The following HEATR4 variants were observed in gnomAD, a reference collection of about 807,000 sequenced individuals.
HEATR4 encodes HEAT repeat containing 4.
Under a neutral mutation model 108.8 loss-of-function variants are expected in HEATR4, and 95 were observed. That is an observed-to-expected ratio of 0.87 (90% CI 0.74 to 1.04). The LOEUF is 1.04. HEATR4 is among the 50% of genes least tolerant of loss of function. HEATR4 has a pLI of 0.00. For synonymous variants in HEATR4, 443 were observed against 459.4 expected, an observed-to-expected ratio of 0.96 and a Z score of 0.46; for missense variants, 1,152 against 1,253.8, an observed-to-expected ratio of 0.92 and a Z score of 1.23.
chr14:73,614,048 A>AAAAC, the HEATR4 span, among the ~76,000 whole-genome samples: 12 of 143,848 alleles, frequency 8.3e-5, no homozygotes, highest in African/African-American at 2.6e-4. Flanking sequence ...AAAAAAAAAA[A>AAAAC]AAATTAGGCA....
chr14:73,602,866 A>G, the HEATR4 span, among the ~76,000 whole-genome samples: 1 of 152,198 alleles, frequency 6.6e-6, no homozygotes, highest in East Asian at 1.9e-4. Context: ...GGCCCTCTGT[A>G]GCATCTCAAA....
At chr14:73,491,057 G>A (rs762355748) in intron 17 of HEATR4, 1 of 1,590,370 alleles carries the variant, frequency 6.3e-7, no homozygotes, top group South Asian at 1.1e-5. Context: ...GTTGAGGCGC[G>A]GGCGGCCGAA....
rs775151108 is a variant in HEATR4, at chr14:73,537,827, C to A, written c.-151-7583G>T. 27 of 1,206,988 alleles carry A rather than the reference C, an allele frequency of 2.2e-5. 9 individuals are homozygous for A. Among genetic ancestry groups the A allele is most frequent in the Non-Finnish European group, 2.3e-5 (21 of 922,402 alleles). The allele number at this position is 1,206,988 out of a possible 1,614,324, so 74.8% of individuals were successfully genotyped here. On this transcript the variant is annotated intron_variant, in intron 1 of 17. Transcript: ENST00000553558. The stretch of plus-strand genomic sequence containing the variant: ...CTACTTCCTCCCGCCCGGGGTGCGG[C>A]GCGAGCCGGTGCGCGCGGGCCGGGT...
At chr14:73,566,520 G>A in the HEATR4 span, among the ~76,000 whole-genome samples, 2 of 152,178 alleles carry the variant, frequency 1.3e-5, no homozygotes, top group Non-Finnish European at 2.9e-5. Flanking sequence ...TGAGCACAGC[G>A]CCAGTGGGCC....
At chr14:73,623,867 G>A in the HEATR4 span, among the ~76,000 whole-genome samples, 2 of 151,842 alleles carry the variant, frequency 1.3e-5, no homozygotes, top group Non-Finnish European at 2.9e-5. Context: ...CTTCTCTCTC[G>A]CCATGTGATC....
Position 73,530,787 on chromosome 14 carries a change from C to T in HEATR4, c.-151-543G>A, listed in dbSNP as rs1294291186. 8.1e-5 allele frequency among the ~76,000 whole-genome samples: 8 copies of T among 99,002 alleles called. 2 individuals carry two copies. Among genetic ancestry groups the T allele is most frequent in the Admixed American group, 2.4e-4 (2 of 8,344 alleles). The allele number at this position is 99,002 out of a possible 152,430, so 64.9% of individuals were successfully genotyped here. On this transcript the variant is annotated intron_variant, in intron 1 of 17. Transcript: ENST00000553558. ...GCATAGGCACATAGCACACCACTCTCGGTTAAATTTTTTTTTTTTTTTTTT... is the reference window on the plus strand; with the variant it reads ...GCATAGGCACATAGCACACCACTCTTGGTTAAATTTTTTTTTTTTTTTTTT...
At chr14:73,560,991 G>C (rs1889524094), upstream of HEATR4, among the ~76,000 whole-genome samples, 1 of 152,062 alleles carries the variant, frequency 6.6e-6, no homozygotes, top group Non-Finnish European at 1.5e-5. Context: ...ACGGTGGAAA[G>C]AACCCAAATG....
chr14:73,628,042 C>A, the HEATR4 span, among the ~76,000 whole-genome samples: 2 of 152,068 alleles, frequency 1.3e-5, no homozygotes, highest in African/African-American at 4.8e-5. Context: ...CTCCTGACCT[C>A]AAGTGATCTG....
Position 73,508,185 on chromosome 14 carries a change from C to T in HEATR4, c.1830G>A (p.Glu610=). The change falls in exon 9 of 18, where the codon GAG becomes GAA. Residue 610 remains glutamate, a synonymous_variant. Coordinates refer to ENST00000553558, the MANE Select transcript of HEATR4 (RefSeq NM_001220484.1). The part of the protein sequence containing the change: ...ILHQLFTKKN[E]DTEEQSYILL... Reference sequence around the variant, plus strand: ...GGATATAAGACTGTTCCTCAGTGTCCTCATTCTTCTTTGTAAACAGCTGGT... The same window carrying T: ...GGATATAAGACTGTTCCTCAGTGTCTTCATTCTTCTTTGTAAACAGCTGGT... 1.2e-6 allele frequency: 2 copies of T among 1,614,038 alleles called. No homozygotes were observed. Among genetic ancestry groups the T allele is most frequent in the Non-Finnish European group, 1.7e-6 (2 of 1,179,928 alleles).
At chr14:73,626,158 C>CTAA in the HEATR4 span, among the ~76,000 whole-genome samples, 1 of 152,196 alleles carries the variant, frequency 6.6e-6, no homozygotes, top group Admixed American at 6.6e-5. Flanking sequence ...TTCCCTTAAG[C>CTAA]TAAACAGCAG....
At chr14:73,576,024 G>C in the HEATR4 span, among the ~76,000 whole-genome samples, 3 of 151,906 alleles carry the variant, frequency 2.0e-5, no homozygotes, top group Admixed American at 6.6e-5. Context: ...GTGGTGGCAG[G>C]CACCTGTAGT....
At chr14:73,608,944 C>T in the HEATR4 span, among the ~76,000 whole-genome samples, 1 of 152,146 alleles carries the variant, frequency 6.6e-6, no homozygotes. Context: ...ACCATCAGAT[C>T]GCATGAGAAC....
chr14:73,533,881 TAAAAAAAAAAAAAAA>T (rs59844752), intron 1 of HEATR4, among the ~76,000 whole-genome samples: 1 of 37,988 alleles, frequency 2.6e-5, no homozygotes, highest in Admixed American at 3.8e-4. Flanking sequence ...ACCCTGTCTC[TAAAAAAAAAAAAAAA>T]AAAAAAAGGT....
At chr14:73,511,560 TAAA>T (rs1887263995) in intron 7 of HEATR4, among the ~76,000 whole-genome samples, 1 of 88,966 alleles carries the variant, frequency 1.1e-5, no homozygotes, top group Admixed American at 1.1e-4. Context: ...AATAAATAAA[TAAA>T]TAAAATAAAA....
At chr14:73,527,359 G>A (rs1209655990) in intron 2 of HEATR4, 1 of 151,706 alleles carries the variant, frequency 6.6e-6, no homozygotes, top group African/African-American at 2.4e-5. Context: ...GACCTTTCCA[G>A]ACAGGGAATT....
At chr14:73,483,584 A>G (rs191114035) in intron 17 of HEATR4, among the ~76,000 whole-genome samples, 33 of 152,318 alleles carry the variant, frequency 2.2e-4, no homozygotes, top group Admixed American at 5.9e-4. Flanking sequence ...TTCAAGCACA[A>G]TTGTATATTA....
chr14:73,549,541 A>G (rs553538492), intron 1 of HEATR4, among the ~76,000 whole-genome samples: 1,424 of 114,842 alleles, frequency 0.012, 50 homozygotes, highest in African/African-American at 0.039. Context: ...CTGCAAGCCA[A>G]TGGCAAGGCA....
chr14:73,485,324 T>C (rs1368213074), intron 17 of HEATR4, among the ~76,000 whole-genome samples: 1 of 152,184 alleles, frequency 6.6e-6, no homozygotes, highest in African/African-American at 2.4e-5. Flanking sequence ...TATTGATTGG[T>C]AGATATTTGA....
chr14:73,491,043 G>C lies in HEATR4; in HGVS notation c.2844+2023C>G. On this transcript the variant is annotated intron_variant, in intron 17 of 17. Coordinates refer to ENST00000553558, the MANE Select transcript of HEATR4 (RefSeq NM_001220484.1). The stretch of plus-strand genomic sequence containing the variant: ...ATGGATGGGCTCCAGGCCAGTGCAG[G>C]GCCGTTGAGGCGCGGGCGGCCGAAG... The C allele has an allele frequency of 2.5e-6, 4 of 1,586,132 alleles. No individual in the cohort carries two copies. The East Asian group carries it at 9.2e-5, about 37-fold the overall frequency.
Sources: gnomAD v4.1 joint callset for allele counts (sites outside exome capture counted in the v4.1 genomes callset) on GRCh38, gnomAD v4.1.1 for gene constraint, MANE v1.5 for transcripts, NCBI Gene and HGNC (gene_info 2026-07-23, HGNC 2026-07-21) for gene names.